FOCAD: variants seen among roughly 807,000 people sequenced by gnomAD.
FOCAD encodes the protein KIAA1797.
In FOCAD, 198 loss-of-function variants were observed where a neutral mutation model predicts 225.6. The observed-to-expected ratio is 0.88, with a 90% CI of 0.78 to 0.99. The LOEUF is 0.99. FOCAD is among the 50% of genes least tolerant of loss of function. FOCAD has a pLI of 0.00. For synonymous variants in FOCAD, 897 were observed against 755.0 expected, an observed-to-expected ratio of 1.19 and a Z score of -3.08; for missense variants, 2,713 against 2,123.6, an observed-to-expected ratio of 1.28 and a Z score of -5.46.
intron 1 of FOCAD, among the ~76,000 whole-genome samples, chr9:20,692,842 G>A (rs556701169): frequency 3.8e-4 from 58 of 152,254 alleles, no homozygotes; most frequent in African/African-American, 1.3e-3. Context: ...GAAGGGGAGA[G>A]AAAATTAGCC....
intron 4 of FOCAD, among the ~76,000 whole-genome samples, chr9:20,732,392 C>T (rs1826789198): frequency 6.6e-6 from 1 of 152,064 alleles, no homozygotes; most frequent in Non-Finnish European, 1.5e-5. Context: ...TAAAACTTTC[C>T]AGTTACAGGA....
At position 20,976,532 on chromosome 9, in the gene FOCAD, T is replaced by C. The variant is rs1840249384; in HGVS notation, c.4245T>C (p.Leu1415=). ...ACTGGGCTGCACTTCTCTCTCCACT[T>C]ATGAGGCTAAATTTTGGTAAATATC... ...PVNWAALLSP[L]MRLNFGEEIQ... is the part of the protein sequence containing the mutation. Residue 1415 remains leucine, a synonymous_variant, in exon 36 of 44, where the codon CTT becomes CTC. Coordinates refer to ENST00000338382, the MANE Select transcript of FOCAD (RefSeq NM_001375567.1). 4 of 1,613,046 alleles carry C rather than the reference T, an allele frequency of 2.5e-6. No individual in the cohort carries two copies. Among genetic ancestry groups the C allele is most frequent in the Non-Finnish European group, 3.4e-6 (4 of 1,179,168 alleles).
At chr9:20,844,624 G>A (rs1202315231) in intron 15 of FOCAD, among the ~76,000 whole-genome samples, 1 of 151,970 alleles carries the variant, frequency 6.6e-6, no homozygotes, top group Non-Finnish European at 1.5e-5. Flanking sequence ...GCCTCCCAAA[G>A]TGCTGGGATT....
At chr9:20,931,579 A>T (rs1440322569) in intron 27 of FOCAD, among the ~76,000 whole-genome samples, 1 of 152,234 alleles carries the variant, frequency 6.6e-6, no homozygotes, top group Non-Finnish European at 1.5e-5. Flanking sequence ...CTAGTCAGTG[A>T]CATCAAATGT....
At chr9:20,747,125 T>C (rs1391712588) in intron 5 of FOCAD, among the ~76,000 whole-genome samples, 2 of 152,160 alleles carry the variant, frequency 1.3e-5, no homozygotes, top group South Asian at 2.1e-4. Flanking sequence ...CTCATTAAGC[T>C]CAGCACTCCC....
At chr9:20,780,838 G>A (rs1047155372) in intron 9 of FOCAD, among the ~76,000 whole-genome samples, 2 of 152,076 alleles carry the variant, frequency 1.3e-5, no homozygotes, top group African/African-American at 2.4e-5. Context: ...CCAATATTTA[G>A]GCAAGAAAAG....
chr9:20,790,506 T>G (rs2131186182), intron 11 of FOCAD, among the ~76,000 whole-genome samples: 1 of 152,342 alleles, frequency 6.6e-6, no homozygotes, highest in Admixed American at 6.5e-5. Flanking sequence ...GTGCAGTGAC[T>G]TACGCCTGTA....
chr9:20,757,671 G>A (rs990580848), intron 5 of FOCAD, among the ~76,000 whole-genome samples: 3 of 152,172 alleles, frequency 2.0e-5, no homozygotes, highest in Non-Finnish European at 2.9e-5. Context: ...TTCGGGTAAG[G>A]TTGGAGGAAA....
intron 1 of FOCAD, among the ~76,000 whole-genome samples, chr9:20,703,552 T>C (rs1320250099): frequency 6.6e-6 from 1 of 152,142 alleles, no homozygotes; most frequent in Non-Finnish European, 1.5e-5. Context: ...GGGAATCTTA[T>C]GTATATTCTA....
chr9:20,733,859 G>A (rs1826915947), intron 4 of FOCAD, among the ~76,000 whole-genome samples: 1 of 151,996 alleles, frequency 6.6e-6, no homozygotes, highest in Non-Finnish European at 1.5e-5. Context: ...AAATTAGCCA[G>A]GTATGGTGAT....
At chr9:20,719,102 G>T (rs560033001) in intron 3 of FOCAD, among the ~76,000 whole-genome samples, 3 of 151,726 alleles carry the variant, frequency 2.0e-5, no homozygotes, top group South Asian at 4.2e-4. Flanking sequence ...TTTTTTTTGA[G>T]ACAGAGTCTG....
chr9:20,951,954 ATTACCATTTTCC>A (rs1837726222), intron 34 of FOCAD, among the ~76,000 whole-genome samples: 1 of 152,170 alleles, frequency 6.6e-6, no homozygotes, highest in Admixed American at 6.5e-5. Flanking sequence ...GGCCTCTGAA[ATTACCATTTTCC>A]TTTCTTTCAG....
intron 11 of FOCAD, among the ~76,000 whole-genome samples, chr9:20,806,235 C>G (rs1822439626): frequency 6.6e-6 from 1 of 152,112 alleles, no homozygotes; most frequent in Non-Finnish European, 1.5e-5. Context: ...TGACTTAGTG[C>G]TGATGGGTAC....
At chr9:20,977,176 C>G (rs1326445440) in intron 36 of FOCAD, among the ~76,000 whole-genome samples, 5 of 152,196 alleles carry the variant, frequency 3.3e-5, no homozygotes, top group African/African-American at 1.2e-4. Context: ...ACACCATCAT[C>G]TTTCTGGTTC....
intron 10 of FOCAD, among the ~76,000 whole-genome samples, chr9:20,784,885 C>T (rs567182135): frequency 1.3e-5 from 2 of 151,848 alleles, no homozygotes; most frequent in South Asian, 2.1e-4. Flanking sequence ...TGGGCCAACT[C>T]GTATTTCTTA....
At chr9:20,967,609 T>G (rs949823837) in intron 35 of FOCAD, among the ~76,000 whole-genome samples, 1 of 152,152 alleles carries the variant, frequency 6.6e-6, no homozygotes, top group African/African-American at 2.4e-5. Context: ...TTTTTCACCA[T>G]TGAGTATGAT....
chr9:20,926,519 C>T (rs1041294660), intron 26 of FOCAD, 102 bp downstream of exon 26: 5 of 739,776 alleles, frequency 6.8e-6, no homozygotes, highest in Admixed American at 2.0e-5. Flanking sequence ...CGCGGTGGCT[C>T]ACGCCTGTAA....
intron 19 of FOCAD, among the ~76,000 whole-genome samples, chr9:20,878,026 T>C (rs1009627767): frequency 1.3e-5 from 2 of 152,140 alleles, no homozygotes; most frequent in African/African-American, 4.8e-5. Flanking sequence ...AAATGACATC[T>C]CTACTTATTG....
intron 28 of FOCAD, among the ~76,000 whole-genome samples, chr9:20,939,299 G>T (rs1223308843): frequency 6.6e-6 from 1 of 152,162 alleles, no homozygotes; most frequent in African/African-American, 2.4e-5. Context: ...TTGAGATTTT[G>T]AACCTAATCC....
Sources: allele counts gnomAD v4.1 joint callset (sites outside exome capture counted in the v4.1 genomes callset), GRCh38; gene constraint gnomAD v4.1.1; transcripts MANE v1.5; gene names NCBI Gene and HGNC (gene_info 2026-07-23, HGNC 2026-07-21).